PKNOX2: variants seen among roughly 807,000 people sequenced by gnomAD.
PKNOX2 encodes homeobox protein PKNOX2.
A neutral mutation model predicts 53.1 loss-of-function variants in PKNOX2; 14 were observed. The ratio of observed to expected loss-of-function variants is 0.26; its 90% confidence interval spans 0.17 to 0.41. The LOEUF (loss-of-function observed/expected upper bound fraction) is 0.41, where lower values mean the gene tolerates loss of function less well. Ranked by LOEUF, PKNOX2 falls within the 10% of genes least tolerant of loss-of-function variation. The probability of loss-of-function intolerance (pLI) is 1.00; values close to 1 mark genes in which losing one functional copy is unlikely to be tolerated. For synonymous variants in PKNOX2, 257 were observed against 242.8 expected (o/e 1.06, Z -0.54); for missense variants, 496 against 602.8 (o/e 0.82, Z 1.85).
chr11:125,197,703 C>A (rs1662789048), intron 1 of PKNOX2, among the ~76,000 whole-genome samples: 1 of 152,192 alleles, frequency 6.6e-6, no homozygotes. Flanking sequence ...TCTGGCAGGG[C>A]CACCGTAGGG....
chr11:125,421,840 G>A (rs545469119), intron 10 of PKNOX2, among the ~76,000 whole-genome samples: 184 of 152,322 alleles, frequency 1.2e-3, no homozygotes, highest in Middle Eastern at 3.4e-3. Flanking sequence ...AACCACATCC[G>A]GGGCCAAGGA....
chr11:125,210,749 A>C (rs967270978), intron 1 of PKNOX2, among the ~76,000 whole-genome samples: 12 of 152,014 alleles, frequency 7.9e-5, no homozygotes, highest in African/African-American at 2.9e-4. Context: ...CCCGCCTCCT[A>C]CTTCTGGGAA....
chr11:125,238,442 A>G (rs575086688), intron 2 of PKNOX2, among the ~76,000 whole-genome samples: 1 of 152,330 alleles, frequency 6.6e-6, no homozygotes, highest in Admixed American at 6.5e-5. Context: ...TATTATCTCT[A>G]TTACAGAAGA....
At chr11:125,172,552 G>T (rs1240360490) in intron 1 of PKNOX2, among the ~76,000 whole-genome samples, 1 of 152,146 alleles carries the variant, frequency 6.6e-6, no homozygotes, top group East Asian at 1.9e-4. Context: ...TTCCACTGTG[G>T]ACTCAGCCAC....
chr11:125,179,555 A>G (rs572857133), intron 1 of PKNOX2, among the ~76,000 whole-genome samples: 10 of 152,302 alleles, frequency 6.6e-5, no homozygotes, highest in Admixed American at 5.9e-4. Context: ...AAGAGCTGAC[A>G]GGCAGCTGGG....
At chr11:125,393,005 A>T (rs866163184) in intron 6 of PKNOX2, among the ~76,000 whole-genome samples, 8 of 132,546 alleles carry the variant, frequency 6.0e-5, no homozygotes, top group Admixed American at 4.4e-4. Flanking sequence ...AAAAATACAT[A>T]AAAAAAAAAA....
At chr11:125,357,742 T>C (rs919118894) in intron 4 of PKNOX2, among the ~76,000 whole-genome samples, 1 of 152,168 alleles carries the variant, frequency 6.6e-6, no homozygotes, top group African/African-American at 2.4e-5. Flanking sequence ...TTGAAGTCTG[T>C]GGTCTGAAGA....
At chr11:125,389,404 A>G (rs731716) in intron 6 of PKNOX2, among the ~76,000 whole-genome samples, 92,590 of 152,002 alleles carry the variant, frequency 0.61, 29,079 homozygotes, top group South Asian at 0.76. Context: ...CTCTTTCCGT[A>G]CACCCACACT....
At chr11:125,257,125 C>T (rs1463744256) in intron 2 of PKNOX2, among the ~76,000 whole-genome samples, 1 of 152,012 alleles carries the variant, frequency 6.6e-6, no homozygotes, top group Non-Finnish European at 1.5e-5. Flanking sequence ...TTATTCTGTG[C>T]CTCTGAGCTG....
At chr11:125,393,312 G>T (rs1453214552) in intron 6 of PKNOX2, among the ~76,000 whole-genome samples, 1 of 152,204 alleles carries the variant, frequency 6.6e-6, no homozygotes, top group African/African-American at 2.4e-5. Flanking sequence ...GGTCCTAGAA[G>T]TTCCTCGATG....
rs781737387 is a variant in PKNOX2, at chr11:125,356,798, C to T, written c.87+5406C>T. On this transcript the variant is annotated intron_variant, in intron 4 of 12. Coordinates refer to ENST00000298282, the MANE Select transcript of PKNOX2 (RefSeq NM_001382323.2). ...GGGCTTTGATCAGTCATTAGGATCC[C>T]CATGCTGGTTTAATTAACTGGAGGC... Among the ~76,000 whole-genome samples, 51 of 152,208 alleles carry T rather than the reference C, an allele frequency of 3.4e-4. 1 individual carries two copies. The highest frequency in any genetic ancestry group is 5.2e-4 in the Admixed American group (8 of 15,288).
At chr11:125,389,647 GT>G (rs1415282691) in intron 6 of PKNOX2, among the ~76,000 whole-genome samples, 2 of 152,210 alleles carry the variant, frequency 1.3e-5, no homozygotes, top group East Asian at 3.8e-4. Flanking sequence ...AAATTTGCAA[GT>G]TCCCCAAAAC....
chr11:125,171,185 T>TCGGGCATCATGGGCAGGTGTCCTGCCTTG (rs1955293523), intron 1 of PKNOX2, among the ~76,000 whole-genome samples: 1 of 152,164 alleles, frequency 6.6e-6, no homozygotes, highest in African/African-American at 2.4e-5. Context: ...AACCCAGTAA[T>TCGGGCATCATGGGCAGGTGTCCTGCCTTG]CGGGCATCAT....
At chr11:125,411,462 T>TTCTTTCTCTCTC (rs1955510516) in intron 9 of PKNOX2, 1 of 236,510 alleles carries the variant, frequency 4.2e-6, no homozygotes, top group Non-Finnish European at 7.9e-6. Flanking sequence ...TCCTCTGTCT[T>TTCTTTCTCTCTC]TCTCTCTCTC....
At chr11:125,191,511 G>A (rs1956875771) in intron 1 of PKNOX2, 1 of 152,268 alleles carries the variant, frequency 6.6e-6, no homozygotes, top group Non-Finnish European at 1.5e-5. Flanking sequence ...GAAAGTGGTG[G>A]GGGTGGCGGG....
intron 1 of PKNOX2, among the ~76,000 whole-genome samples, chr11:125,232,150 G>A (rs919018674): frequency 1.1e-4 from 16 of 152,338 alleles, no homozygotes; most frequent in South Asian, 2.1e-4. Flanking sequence ...CACAGTCCCC[G>A]TCTCACATAG....
intron 10 of PKNOX2, among the ~76,000 whole-genome samples, chr11:125,423,271 G>A (rs591374): frequency 7.2e-5 from 11 of 152,002 alleles, no homozygotes; most frequent in African/African-American, 1.7e-4. Flanking sequence ...GTGTTCTCAC[G>A]TACTTCTAAC....
chr11:125,351,037 G>A (rs935588384), intron 3 of PKNOX2, among the ~76,000 whole-genome samples: 10 of 152,020 alleles, frequency 6.6e-5, no homozygotes, highest in African/African-American at 1.9e-4. Context: ...ACAAAGCGCC[G>A]CTGCAGGGGT....
chr11:125,226,463 T>C (rs550784979), intron 1 of PKNOX2, among the ~76,000 whole-genome samples: 9 of 152,276 alleles, frequency 5.9e-5, no homozygotes, highest in South Asian at 2.1e-4. Context: ...CTGGGTTGAA[T>C]AGATGAGGAA....
Sources: gnomAD v4.1 joint callset for allele counts (sites outside exome capture counted in the v4.1 genomes callset) on GRCh38, gnomAD v4.1.1 for gene constraint, MANE v1.5 for transcripts, NCBI Gene and HGNC (gene_info 2026-07-23, HGNC 2026-07-21) for gene names.